The following EIF2AK2 variants were observed in gnomAD, a reference collection of about 807,000 sequenced individuals.
The protein encoded by EIF2AK2 is interferon-induced, double-stranded RNA-activated protein kinase.
In EIF2AK2, 40 loss-of-function variants were observed where a neutral mutation model predicts 70.5. The ratio of observed to expected loss-of-function variants is 0.57; its 90% confidence interval spans 0.44 to 0.74. The LOEUF is 0.74. Ranked by LOEUF, EIF2AK2 falls within the 30% of genes least tolerant of loss-of-function variation. The pLI, the probability that EIF2AK2 is intolerant of heterozygous loss-of-function variation, is 0.00. For missense variants in EIF2AK2, 555 were observed against 644.3 expected (o/e 0.86, Z 1.50); for synonymous variants, 198 against 220.9 (o/e 0.90, Z 0.92).
intron 12 of EIF2AK2, among the ~76,000 whole-genome samples, chr2:37,121,808 T>A (rs1184265087): frequency 6.6e-6 from 1 of 152,108 alleles, no homozygotes; most frequent in Non-Finnish European, 1.5e-5. Context: ...TGTTCTCACT[T>A]ACACGACATG....
At chr2:37,125,231 G>T (rs573290740) in intron 11 of EIF2AK2, among the ~76,000 whole-genome samples, 1 of 151,900 alleles carries the variant, frequency 6.6e-6, no homozygotes, top group African/African-American at 2.4e-5. Context: ...GGCTGGTCTC[G>T]AACTCCTGAC....
chr2:37,139,511 T>A (rs1348811834), intron 6 of EIF2AK2, 120 bp downstream of exon 6: 1 of 1,384,266 alleles, frequency 7.2e-7, no homozygotes, highest in East Asian at 2.3e-5. Flanking sequence ...CGACACAGAA[T>A]GGAGGAATCA....
intron 1 of EIF2AK2, among the ~76,000 whole-genome samples, chr2:37,152,677 T>G (rs1393282578): frequency 2.0e-5 from 3 of 152,222 alleles, no homozygotes; most frequent in African/African-American, 4.8e-5. Flanking sequence ...CTCCTTAAGG[T>G]GATTTCTTTC....
chr2:37,113,535 A>G (rs1573000628), intron 14 of EIF2AK2, among the ~76,000 whole-genome samples: 2 of 151,276 alleles, frequency 1.3e-5, no homozygotes, highest in African/African-American at 4.9e-5. Flanking sequence ...GCAGTACCAC[A>G]AATGTCATTA....
chr2:37,130,993 A>G (rs1203585572), intron 10 of EIF2AK2, among the ~76,000 whole-genome samples: 1 of 152,240 alleles, frequency 6.6e-6, no homozygotes, highest in Non-Finnish European at 1.5e-5. Flanking sequence ...AAATTCCACT[A>G]GCATGAAAGC....
intron 10 of EIF2AK2, among the ~76,000 whole-genome samples, chr2:37,132,690 A>G (rs999395740): frequency 6.6e-6 from 1 of 152,182 alleles, no homozygotes. Flanking sequence ...CCACATACAC[A>G]TAACCCCAGA....
intron 10 of EIF2AK2, among the ~76,000 whole-genome samples, chr2:37,126,984 A>AAAAAAAAAAAAAAAAAAAC (rs1674757965): frequency 1.4e-5 from 2 of 144,376 alleles, no homozygotes; most frequent in African/African-American, 2.7e-5. Flanking sequence ...AAAAAAAAAA[A>AAAAAAAAAAAAAAAAAAAC]AAAAAAAAAA....
intron 8 of EIF2AK2, 110 bp downstream of exon 8, chr2:37,138,160 C>A: frequency 1.3e-6 from 1 of 758,878 alleles, no homozygotes; most frequent in Non-Finnish European, 2.1e-6. Flanking sequence ...AGTAAGAGTG[C>A]ATAAGATAAA....
chr2:37,120,249 T>C, intron 12 of EIF2AK2, 110 bp from the exon 13 acceptor site: 1 of 761,514 alleles, frequency 1.3e-6, no homozygotes, highest in Non-Finnish European at 1.8e-6. Context: ...TTATACCTTA[T>C]CTTCTTAAGA....
chr2:37,138,447 A>C, intron 7 of EIF2AK2, 62 bp downstream of exon 7: 1 of 1,599,992 alleles, frequency 6.3e-7, no homozygotes, highest in South Asian at 1.1e-5. Context: ...TAAACATAAA[A>C]ATCTGTCTTT....
At chr2:37,131,772 G>A (rs1297905862) in intron 10 of EIF2AK2, among the ~76,000 whole-genome samples, 1 of 152,164 alleles carries the variant, frequency 6.6e-6, no homozygotes, top group African/African-American at 2.4e-5. Flanking sequence ...GAGATATTGT[G>A]ATGATACCCA....
chr2:37,108,999 A>C (rs1477737967), intron 15 of EIF2AK2, among the ~76,000 whole-genome samples, 195 bp downstream of exon 15: 1 of 152,216 alleles, frequency 6.6e-6, no homozygotes, highest in African/African-American at 2.4e-5. Context: ...AGGGAAGATC[A>C]AAGTTTTTGG....
intron 4 of EIF2AK2, among the ~76,000 whole-genome samples, chr2:37,143,339 T>C (rs1675406475): frequency 6.6e-6 from 1 of 152,200 alleles, no homozygotes; most frequent in Admixed American, 6.5e-5. Flanking sequence ...CATTGTCTGC[T>C]GAAATCTCTT....
At chr2:37,127,741 A>ATT (rs34321110) in intron 10 of EIF2AK2, among the ~76,000 whole-genome samples, 3 of 125,430 alleles carry the variant, frequency 2.4e-5, no homozygotes, top group African/African-American at 8.9e-5. Context: ...TGTTCCTGCA[A>ATT]TTTTTTTTTT....
intron 5 of EIF2AK2, 57 bp downstream of exon 5, chr2:37,141,496 A>G (rs1362999072): frequency 1.9e-6 from 3 of 1,579,352 alleles, no homozygotes; most frequent in South Asian, 2.4e-5. Context: ...ACGAAAATAA[A>G]CCAACTTTAT....
chr2:37,131,132 A>G (rs999067793), intron 10 of EIF2AK2, among the ~76,000 whole-genome samples: 17 of 152,184 alleles, frequency 1.1e-4, no homozygotes, highest in African/African-American at 4.1e-4. Flanking sequence ...TGAACACACA[A>G]GAGGAAATCT....
Position 37,125,931 on chromosome 2 carries a change from A to T in EIF2AK2, c.908+358T>A, listed in dbSNP as rs4648211. Among the ~76,000 whole-genome samples the T allele has an allele frequency of 4.9e-4, 74 of 152,360 alleles. 1 individual carries two copies. In the East Asian group the frequency reaches 0.012, roughly 25 times the overall value. ...CTATAAAATAAGAAGGTAAGACTAG[A>T]ACATCTCAAAGATCACCTATTTTGT... On this transcript the variant is annotated intron_variant, in intron 11 of 16. Transcript: ENST00000233057.
intron 13 of EIF2AK2, among the ~76,000 whole-genome samples, chr2:37,116,259 A>G (rs1674338380): frequency 6.6e-6 from 1 of 151,824 alleles, no homozygotes; most frequent in Non-Finnish European, 1.5e-5. Flanking sequence ...TCATTTTGTT[A>G]TCCAGGATGG....
chr2:37,107,558 G>T, intron 15 of EIF2AK2, 31 bp from the exon 16 acceptor site: 1 of 1,589,176 alleles, frequency 6.3e-7, no homozygotes, highest in South Asian at 1.1e-5. Flanking sequence ...TGTATATTAG[G>T]AAATTATTTA....
Sources: allele counts gnomAD v4.1 joint callset (sites outside exome capture counted in the v4.1 genomes callset), GRCh38; gene constraint gnomAD v4.1.1; transcripts MANE v1.5; gene names NCBI Gene and HGNC (gene_info 2026-07-23, HGNC 2026-07-21).